The following HSF2BP variants were observed in gnomAD, a reference collection of about 807,000 sequenced individuals.
HSF2BP encodes heat shock transcription factor 2 binding protein.
HSF2BP carries 35 observed loss-of-function variants against 35.0 expected under a neutral mutation model. The observed-to-expected ratio is 1.00, with a 90% confidence interval of 0.76 to 1.32. The LOEUF is 1.32. Ranked by LOEUF, HSF2BP falls within the 40% of genes most tolerant of loss-of-function variation. The pLI is 0.00. For missense variants in HSF2BP, 326 were observed against 321.7 expected (o/e 1.01, Z -0.10); for synonymous variants, 114 against 117.4 (o/e 0.97, Z 0.18).
At chr21:43,583,334 G>GGTGAGGGGGATGAGGGC (rs2081788241) in intron 8 of HSF2BP, among the ~76,000 whole-genome samples, 2 of 89,062 alleles carry the variant, frequency 2.2e-5, no homozygotes, top group Non-Finnish European at 4.4e-5. Flanking sequence ...ATGAGGGCCT[G>GGTGAGGGGGATGAGGGC]CTGCGGGAGA....
chr21:43,588,984 A>T (rs1034211475), intron 8 of HSF2BP, among the ~76,000 whole-genome samples: 1 of 152,204 alleles, frequency 6.6e-6, no homozygotes, highest in African/African-American at 2.4e-5. Context: ...CTAGCATGCT[A>T]GAGTCTTACA....
At chr21:43,598,595 G>A (rs566713138) in intron 7 of HSF2BP, among the ~76,000 whole-genome samples, 7 of 151,990 alleles carry the variant, frequency 4.6e-5, no homozygotes, top group African/African-American at 1.7e-4. Flanking sequence ...GCACCCTCCA[G>A]AACAGGGTGC....
chr21:43,610,964 C>T (rs1275988841), intron 7 of HSF2BP, among the ~76,000 whole-genome samples: 1 of 152,064 alleles, frequency 6.6e-6, no homozygotes, highest in Non-Finnish European at 1.5e-5. Flanking sequence ...TCCTTTGATG[C>T]AAGGTACTTA....
chr21:43,620,022 G>A (rs75945090), intron 6 of HSF2BP, among the ~76,000 whole-genome samples: 6,011 of 152,200 alleles, frequency 0.039, 422 homozygotes, highest in African/African-American at 0.14. Flanking sequence ...CTGGGCTTAA[G>A]GCACCATCTA....
At chr21:43,595,072 C>A (rs949038876) in intron 7 of HSF2BP, among the ~76,000 whole-genome samples, 1 of 151,966 alleles carries the variant, frequency 6.6e-6, no homozygotes, top group Admixed American at 6.6e-5. Context: ...ACCACCCTGG[C>A]CAACATGGCA....
intron 4 of HSF2BP, among the ~76,000 whole-genome samples, chr21:43,636,760 C>T (rs1202114264): frequency 6.6e-6 from 1 of 151,646 alleles, no homozygotes; most frequent in Admixed American, 6.6e-5. Context: ...GGTGTGGTGG[C>T]GTAAGCCTGT....
At chr21:43,638,187 C>T (rs978142376) in intron 4 of HSF2BP, among the ~76,000 whole-genome samples, 5 of 152,080 alleles carry the variant, frequency 3.3e-5, no homozygotes, top group South Asian at 2.1e-4. Context: ...GGGCCGGGTG[C>T]GGTGGCTCAC....
At chr21:43,629,255 C>G (rs565245082) in intron 6 of HSF2BP, among the ~76,000 whole-genome samples, 10 of 152,284 alleles carry the variant, frequency 6.6e-5, no homozygotes, top group Non-Finnish European at 1.2e-4. Flanking sequence ...ATTCACCATT[C>G]TAGATGCCAT....
chr21:43,659,439 T>C lies in HSF2BP; in HGVS notation c.-278A>G. 1 of 272,450 alleles carries C rather than the reference T, an allele frequency of 3.7e-6. No homozygotes were observed. Among genetic ancestry groups the C allele is most frequent in the East Asian group, 8.6e-5 (1 of 11,574 alleles). 16.9% of individuals were successfully genotyped at this position (272,450 alleles called of 1,614,324 possible). On this transcript the variant is annotated 5_prime_UTR_variant, in exon 1 of 9. Transcript: ENST00000291560. This position sits in a 1 kb window ranked among gnomAD's most constrained non-coding sequence, Gnocchi z 4.2. ...ACCGAAAGGCAGCGCCGGCGCCACGTGCACACGGGCTGGGCCGCTCCGCCA... is the reference window on the plus strand; with the variant it reads ...ACCGAAAGGCAGCGCCGGCGCCACGCGCACACGGGCTGGGCCGCTCCGCCA...
intron 3 of HSF2BP, 72 bp from the exon 4 acceptor site, chr21:43,644,464 A>G: frequency 8.4e-7 from 1 of 1,188,172 alleles, no homozygotes; most frequent in Non-Finnish European, 1.3e-6. Context: ...TATTTTGCCC[A>G]GTCTTGACTT....
chr21:43,577,263 A>C (rs1011991014), intron 8 of HSF2BP, among the ~76,000 whole-genome samples: 3 of 152,216 alleles, frequency 2.0e-5, no homozygotes, highest in African/African-American at 7.2e-5. Context: ...ACCTCCAATT[A>C]TCACGCCTTC....
intron 6 of HSF2BP, among the ~76,000 whole-genome samples, chr21:43,621,869 C>T (rs1262519465): frequency 2.6e-5 from 4 of 151,770 alleles, no homozygotes; most frequent in Non-Finnish European, 4.4e-5. Context: ...CACAGACAAC[C>T]CCAGAATACT....
At chr21:43,650,945 T>A (rs1568943574) in intron 3 of HSF2BP, among the ~76,000 whole-genome samples, 1 of 152,074 alleles carries the variant, frequency 6.6e-6, no homozygotes, top group African/African-American at 2.4e-5. Context: ...TGACCTCAAG[T>A]GATCTGCCAG....
At chr21:43,579,058 A>G (rs1313667623) in intron 8 of HSF2BP, among the ~76,000 whole-genome samples, 1 of 152,224 alleles carries the variant, frequency 6.6e-6, no homozygotes, top group African/African-American at 2.4e-5. Flanking sequence ...GACAAATGCT[A>G]ACTCCCCAAT....
At position 43,633,329 on chromosome 21, in the gene HSF2BP, A is replaced by G. The variant is rs1422128049; in HGVS notation, c.384T>C (p.Cys128=). 1.9e-6 allele frequency: 3 copies of G among 1,614,070 alleles called. No individual in the cohort carries two copies. Among genetic ancestry groups the G allele is most frequent in the Non-Finnish European group, 2.5e-6 (3 of 1,180,026 alleles). The change falls in exon 5 of 9, where the codon TGT becomes TGC. Residue 128 remains cysteine (C), a synonymous_variant. Coordinates refer to ENST00000291560, the MANE Select transcript of HSF2BP (RefSeq NM_007031.2). ...EYCTEMGAAA[C]TLLWGVSSSE... ...TGCTGGAGACACCCCACAAGAGGGTACACGCTGCTGCTCCCATTTCTGTAC... is the reference window on the plus strand; with the variant it reads ...TGCTGGAGACACCCCACAAGAGGGTGCACGCTGCTGCTCCCATTTCTGTAC...
At chr21:43,612,923 TG>T (rs2082226745) in intron 7 of HSF2BP, among the ~76,000 whole-genome samples, 1 of 152,170 alleles carries the variant, frequency 6.6e-6, no homozygotes, top group Non-Finnish European at 1.5e-5. Flanking sequence ...CCCTAATCTC[TG>T]GGACTATAAA....
At chr21:43,598,881 A>G (rs889629650) in intron 7 of HSF2BP, among the ~76,000 whole-genome samples, 7 of 152,208 alleles carry the variant, frequency 4.6e-5, no homozygotes, top group Non-Finnish European at 7.3e-5. Flanking sequence ...AGAATTAAAT[A>G]TATTGCCCAA....
At chr21:43,467,713 ACCC>A in the HSF2BP span, among the ~76,000 whole-genome samples, 1 of 28,816 alleles carries the variant, frequency 3.5e-5, no homozygotes, top group South Asian at 9.0e-4. Context: ...CACACCACAC[ACCC>A]ACACACCACA....
intron 6 of HSF2BP, among the ~76,000 whole-genome samples, chr21:43,620,600 T>C (rs1385252529): frequency 6.6e-6 from 1 of 151,972 alleles, no homozygotes; most frequent in African/African-American, 2.4e-5. Context: ...GAGGCTGAGG[T>C]GGAAGCACTG....
Sources: gnomAD v4.1 joint callset for allele counts (sites outside exome capture counted in the v4.1 genomes callset) on GRCh38, gnomAD v4.1.1 for gene constraint, Gnocchi (gnomAD v3.1) non-coding constraint, MANE v1.5 for transcripts, NCBI Gene and HGNC (gene_info 2026-07-23, HGNC 2026-07-21) for gene names.